LDAH: variants seen among roughly 807,000 people sequenced by gnomAD.
LDAH encodes lipid droplet-associated hydrolase.
A neutral mutation model predicts 29.6 loss-of-function variants in LDAH; 26 were observed. The observed-to-expected ratio is 0.88, with a 90% CI of 0.64 to 1.22. LDAH has a LOEUF of 1.22. Ranked by LOEUF, LDAH falls within the 50% of genes most tolerant of loss-of-function variation. LDAH has a pLI of 0.00. For missense variants in LDAH, 344 were observed against 387.3 expected (o/e 0.89, Z 0.94); for synonymous variants, 117 against 133.0 (o/e 0.88, Z 0.83).
intron 3 of LDAH, among the ~76,000 whole-genome samples, chr2:20,777,319 C>T (rs1031835821): frequency 6.6e-6 from 1 of 152,198 alleles, no homozygotes; most frequent in Non-Finnish European, 1.5e-5. Context: ...TTTTCAAGAA[C>T]ACAGTACTTG....
At chr2:20,763,791 T>C (rs1037775284) in intron 4 of LDAH, among the ~76,000 whole-genome samples, 2 of 152,260 alleles carry the variant, frequency 1.3e-5, no homozygotes, top group Non-Finnish European at 2.9e-5. Flanking sequence ...TGGCTCAATA[T>C]TTAAATCTGA....
intron 1 of LDAH, among the ~76,000 whole-genome samples, chr2:20,816,398 T>C (rs1259375744): frequency 6.6e-6 from 1 of 151,902 alleles, no homozygotes; most frequent in African/African-American, 2.4e-5. Context: ...TAAAACATAA[T>C]GACATTGGTA....
chr2:20,741,771 A>C (rs1368098668), intron 4 of LDAH, among the ~76,000 whole-genome samples: 2 of 152,138 alleles, frequency 1.3e-5, no homozygotes, highest in African/African-American at 4.8e-5. Context: ...AATATTCTCC[A>C]GGCCCATCTA....
At chr2:20,777,863 A>G (rs978463654) in intron 3 of LDAH, among the ~76,000 whole-genome samples, 90 of 152,246 alleles carry the variant, frequency 5.9e-4, no homozygotes, top group African/African-American at 2.0e-3. Context: ...TTATTAACTT[A>G]CTCTCCAAAA....
chr2:20,687,560 T>C (rs183335161), intron 6 of LDAH, among the ~76,000 whole-genome samples: 3 of 152,376 alleles, frequency 2.0e-5, no homozygotes, highest in Admixed American at 2.0e-4. Context: ...ACTCAGGCTT[T>C]CCAATGTAGC....
intron 4 of LDAH, among the ~76,000 whole-genome samples, chr2:20,771,034 T>G (rs529388435): frequency 8.4e-4 from 128 of 152,344 alleles, no homozygotes; most frequent in Non-Finnish European, 1.6e-3. Flanking sequence ...TTGCTCAAGT[T>G]TCTCTTTAAA....
At chr2:20,756,708 G>C (rs1668367444) in intron 4 of LDAH, among the ~76,000 whole-genome samples, 2 of 151,942 alleles carry the variant, frequency 1.3e-5, no homozygotes, top group African/African-American at 2.4e-5. Context: ...TAATGGAAAA[G>C]AAAATAAATC....
chr2:20,689,369 A>G (rs1376232522), intron 6 of LDAH, among the ~76,000 whole-genome samples: 2 of 152,192 alleles, frequency 1.3e-5, no homozygotes, highest in Admixed American at 6.5e-5. Context: ...TCATTTTGCC[A>G]TGGTTCTTAG....
intron 3 of LDAH, among the ~76,000 whole-genome samples, 153 bp downstream of exon 3, chr2:20,790,102 C>T (rs1670842008): frequency 1.3e-5 from 2 of 152,214 alleles, no homozygotes; most frequent in Admixed American, 1.3e-4. Context: ...GTTAAAATGT[C>T]TCTAAAAATC....
At chr2:20,737,385 T>C (rs1262662645) in intron 5 of LDAH, among the ~76,000 whole-genome samples, 1 of 152,106 alleles carries the variant, frequency 6.6e-6, no homozygotes, top group Non-Finnish European at 1.5e-5. Flanking sequence ...GAATGCTTTA[T>C]AAAATACATT....
chr2:20,697,075 T>C (rs1158855876), intron 6 of LDAH, among the ~76,000 whole-genome samples: 2 of 152,222 alleles, frequency 1.3e-5, no homozygotes, highest in South Asian at 4.2e-4. Context: ...AATATCTTTC[T>C]AAGCTTTACA....
In LDAH at chr2:20,686,416, G is replaced by C. The variant is rs1662561173; in HGVS notation, c.*487C>G. ...TACAGGAGACCCAGGTTCACTTCCT[G>C]CTCCTGGAACATGAGTGTATCCTTG... is the stretch of plus-strand genomic sequence containing the variant. On this transcript the variant is annotated 3_prime_UTR_variant, in exon 7 of 7. Coordinates refer to ENST00000237822, the MANE Select transcript of LDAH (RefSeq NM_021925.4). 1 of 153,036 alleles carries C rather than the reference G, an allele frequency of 6.5e-6. No homozygotes were observed. Among genetic ancestry groups the C allele is most frequent in the Admixed American group, 6.5e-5 (1 of 15,340 alleles). The allele number at this position is 153,036 out of a possible 1,614,324, so 9.5% of individuals were successfully genotyped here.
chr2:20,685,835 T>C lies in LDAH; in HGVS notation c.*1068A>G, dbSNP rs1662523457. 1 of 638,226 alleles carries C rather than the reference T, an allele frequency of 1.6e-6. No homozygotes were observed. Among genetic ancestry groups the C allele is most frequent in the African/African-American group, 1.9e-5 (1 of 53,150 alleles). The allele number at this position is 638,226 out of a possible 1,614,324, so 39.5% of individuals were successfully genotyped here. ...GAGAAGGTGAATTCACATAACTTAA[T>C]GGCTGGGTTTGGTTCATTAACAAAA... On this transcript the variant is annotated 3_prime_UTR_variant, in exon 7 of 7. Coordinates refer to ENST00000237822, the MANE Select transcript of LDAH (RefSeq NM_021925.4).
intron 1 of LDAH, among the ~76,000 whole-genome samples, chr2:20,812,755 G>T (rs979508736): frequency 6.6e-6 from 1 of 152,180 alleles, no homozygotes; most frequent in African/African-American, 2.4e-5. Flanking sequence ...TGGCAGGATG[G>T]TGATAAAGTT....
intron 1 of LDAH, among the ~76,000 whole-genome samples, chr2:20,803,908 C>T (rs1347790821): frequency 2.6e-5 from 4 of 152,144 alleles, no homozygotes; most frequent in Non-Finnish European, 5.9e-5. Flanking sequence ...TGGCTTCTGT[C>T]TTCTGATTTG....
At chr2:20,714,087 A>G (rs2149382184) in intron 5 of LDAH, among the ~76,000 whole-genome samples, 1 of 152,362 alleles carries the variant, frequency 6.6e-6, no homozygotes, top group Non-Finnish European at 1.5e-5. Flanking sequence ...CCTTCTTCTC[A>G]GCACCACATG....
At chr2:20,755,129 TTGTGTGTGTGTGTGTGTG>T (rs70939051) in intron 4 of LDAH, among the ~76,000 whole-genome samples, 2 of 118,210 alleles carry the variant, frequency 1.7e-5, no homozygotes, top group African/African-American at 3.6e-5. Flanking sequence ...GTGTCTGTGT[TTGTGTGTGTGTGTGTGTG>T]TGTGTGTGTG....
intron 5 of LDAH, among the ~76,000 whole-genome samples, chr2:20,736,110 T>C (rs187190195): frequency 3.3e-5 from 5 of 152,140 alleles, no homozygotes; most frequent in African/African-American, 1.2e-4. Context: ...TGGAGTAGAG[T>C]AGAGCAGTTA....
intron 5 of LDAH, among the ~76,000 whole-genome samples, chr2:20,727,304 G>A (rs1473067321): frequency 6.6e-6 from 1 of 152,196 alleles, no homozygotes; most frequent in Non-Finnish European, 1.5e-5. Flanking sequence ...AAGGTAACAT[G>A]AGAGTCTGGT....
Sources: allele counts gnomAD v4.1 joint callset (sites outside exome capture counted in the v4.1 genomes callset), GRCh38; gene constraint gnomAD v4.1.1; transcripts MANE v1.5; gene names NCBI Gene and HGNC (gene_info 2026-07-23, HGNC 2026-07-21).